SNX8: variants seen among roughly 807,000 people sequenced by gnomAD.
SNX8 encodes the protein sorting nexin 8.
Under a neutral mutation model 51.6 loss-of-function variants are expected in SNX8, and 25 were observed. That is an observed-to-expected ratio of 0.48 (90% CI 0.35 to 0.68). SNX8 has a LOEUF of 0.68. Ranked by LOEUF, SNX8 falls within the 30% of genes least tolerant of loss-of-function variation. SNX8 has a pLI of 0.00. For synonymous variants in SNX8, 324 were observed against 277.0 expected (o/e 1.17, Z -1.68); for missense variants, 695 against 624.0 (o/e 1.11, Z -1.21).
chr7:2,306,427 T>C (rs1018039815), intron 1 of SNX8, among the ~76,000 whole-genome samples: 3 of 152,220 alleles, frequency 2.0e-5, no homozygotes, highest in Non-Finnish European at 2.9e-5. Context: ...CAAATTTTAA[T>C]ATGGATTCCA....
intron 1 of SNX8, among the ~76,000 whole-genome samples, chr7:2,302,893 C>G (rs1796435702): frequency 2.0e-5 from 3 of 149,806 alleles, no homozygotes; most frequent in African/African-American, 4.9e-5. Flanking sequence ...AAGTGAGGAG[C>G]CCCTCCGCCC....
At chr7:2,305,256 G>A (rs1221201544) in intron 1 of SNX8, among the ~76,000 whole-genome samples, 1 of 152,200 alleles carries the variant, frequency 6.6e-6, no homozygotes, top group Non-Finnish European at 1.5e-5. Flanking sequence ...ACCTCCCTCT[G>A]GGTAAATCCA....
At chr7:2,305,020 G>A (rs377574058) in intron 1 of SNX8, among the ~76,000 whole-genome samples, 2 of 152,320 alleles carry the variant, frequency 1.3e-5, no homozygotes, top group East Asian at 3.9e-4. Flanking sequence ...GAGGTTCCCA[G>A]ACAAGCCTTG....
At chr7:2,350,981 C>G (rs941028537) in intron 1 of SNX8, among the ~76,000 whole-genome samples, 1 of 152,118 alleles carries the variant, frequency 6.6e-6, no homozygotes, top group Non-Finnish European at 1.5e-5. Flanking sequence ...TAGCCGGGCA[C>G]AGTGGTGCAC....
chr7:2,349,495 C>T (rs192462603), intron 1 of SNX8, among the ~76,000 whole-genome samples: 15 of 150,926 alleles, frequency 9.9e-5, no homozygotes, highest in African/African-American at 3.7e-4. Flanking sequence ...GGCTAGAGTG[C>T]AGTGGTGTGA....
chr7:2,254,880 G>T lies in SNX8; in HGVS notation c.*176C>A, dbSNP rs1377506225. ...GGGCGAAGGACAGTGTGGCCCAGCT[G>T]CCCCCATGGTCCACGGATGCGCCTC... On this transcript the variant is annotated 3_prime_UTR_variant, in exon 11 of 11. Coordinates refer to ENST00000222990, the MANE Select transcript of SNX8 (RefSeq NM_013321.4). 6 of 625,646 alleles carry T rather than the reference G, an allele frequency of 9.6e-6. No homozygotes were observed. Among genetic ancestry groups the T allele is most frequent in the Non-Finnish European group, 1.5e-5 (5 of 344,040 alleles). 38.8% of individuals were successfully genotyped at this position (625,646 alleles called of 1,614,324 possible).
intron 1 of SNX8, among the ~76,000 whole-genome samples, chr7:2,287,075 T>C (rs1382044820): frequency 6.6e-6 from 1 of 150,850 alleles, no homozygotes; most frequent in Non-Finnish European, 1.5e-5. Flanking sequence ...GAGGCAGAGG[T>C]TGCAGTGAGC....
intron 1 of SNX8, among the ~76,000 whole-genome samples, chr7:2,348,541 C>A (rs527378468): frequency 6.6e-6 from 1 of 151,654 alleles, no homozygotes; most frequent in African/African-American, 2.4e-5. Flanking sequence ...TGGGGTTTCA[C>A]CGTGTTAGCC....
chr7:2,290,706 C>T (rs1022414190), intron 1 of SNX8, among the ~76,000 whole-genome samples: 7 of 152,116 alleles, frequency 4.6e-5, no homozygotes, highest in African/African-American at 7.2e-5. Context: ...TGATGGGGAC[C>T]GCGCCTCAGT....
chr7:2,332,226 T>C (rs1006027407), intron 1 of SNX8, among the ~76,000 whole-genome samples: 1 of 149,826 alleles, frequency 6.7e-6, no homozygotes, highest in Non-Finnish European at 1.5e-5. Context: ...TATATATATA[T>C]GTATATATAA....
At position 2,280,116 on chromosome 7, in the gene SNX8, A is replaced by G. The variant is rs139684216; in HGVS notation, c.95-1811T>C. Among the ~76,000 whole-genome samples, 907 of 152,328 alleles carry G rather than the reference A, an allele frequency of 6.0e-3. 10 individuals carry two copies. The highest frequency in any genetic ancestry group is 0.02 in the African/African-American group (842 of 41,570). ...GGCCTGCTTATAGCTAGGACTCCCA[A>G]CCACATGCACGGAAGAATTAAGCCA... On this transcript the variant is annotated intron_variant, in intron 1 of 10. Coordinates refer to ENST00000222990, the MANE Select transcript of SNX8 (RefSeq NM_013321.4).
chr7:2,291,758 A>G (rs1264472153), intron 1 of SNX8, among the ~76,000 whole-genome samples: 1 of 152,132 alleles, frequency 6.6e-6, no homozygotes, highest in Non-Finnish European at 1.5e-5. Context: ...TTAAGGGTCT[A>G]TCAGTCCTTC....
At chr7:2,336,885 T>G (rs1197176511) in intron 1 of SNX8, among the ~76,000 whole-genome samples, 2 of 151,194 alleles carry the variant, frequency 1.3e-5, no homozygotes, top group Non-Finnish European at 2.9e-5. Context: ...GATGCATGCC[T>G]GTAATCCCAG....
At position 2,346,614 on chromosome 7, in the gene SNX8, T is replaced by C. The variant is rs370524731; in HGVS notation, c.-66+7608A>G. ...ACAAAAAATTAGCCGGGCGTGGTGG[T>C]GGGCACCTGTAGTCCCAGCTACTTG... On this transcript the variant is annotated intron_variant, in intron 1 of 5. Coordinates refer to the SNX8 transcript ENST00000435336. Among the ~76,000 whole-genome samples the C allele has an allele frequency of 2.9e-3, 435 of 149,822 alleles. 1 individual carries two copies. The highest frequency in any genetic ancestry group is 6.4e-3 in the African/African-American group (260 of 40,928).
intron 1 of SNX8, among the ~76,000 whole-genome samples, chr7:2,302,665 C>G (rs1387475695): frequency 2.6e-5 from 4 of 152,042 alleles, no homozygotes; most frequent in African/African-American, 4.8e-5. Context: ...AGGAGCACCT[C>G]TTCCCGGCCG....
At position 2,310,731 on chromosome 7, in the gene SNX8, A is replaced by T. The variant is rs1796642531; in HGVS notation, c.94+3597T>A. Among the ~76,000 whole-genome samples the T allele has an allele frequency of 2.6e-5, 4 of 151,430 alleles. No individual in the cohort carries two copies. In the Admixed American group the frequency reaches 2.7e-4, roughly 10 times the overall value. Reference sequence around the variant, plus strand: ...GCTTGCAGTGAGCCAAGATCGCACCACTGCACTCCAGCCTGGGCAAAAGAG... The same window carrying T: ...GCTTGCAGTGAGCCAAGATCGCACCTCTGCACTCCAGCCTGGGCAAAAGAG... On this transcript the variant is annotated intron_variant, in intron 1 of 10. Transcript: ENST00000222990.
intron 1 of SNX8, among the ~76,000 whole-genome samples, chr7:2,303,108 G>C (rs1250235087): frequency 1.4e-5 from 2 of 139,648 alleles, no homozygotes; most frequent in Non-Finnish European, 3.1e-5. Flanking sequence ...AGGGAGGTGG[G>C]GGGGTCAGCC....
At chr7:2,306,009 C>T (rs1202617244) in intron 1 of SNX8, among the ~76,000 whole-genome samples, 2 of 152,216 alleles carry the variant, frequency 1.3e-5, no homozygotes, top group African/African-American at 4.8e-5. Context: ...CCAGAGGGAA[C>T]TACCAGCCTA....
chr7:2,295,402 C>CAAA (rs35446427), intron 1 of SNX8, among the ~76,000 whole-genome samples: 8 of 91,884 alleles, frequency 8.7e-5, no homozygotes, highest in East Asian at 8.2e-4. Context: ...TACTCCATCT[C>CAAA]AAAAAAAAAA....
Sources: allele counts gnomAD v4.1 joint callset (sites outside exome capture counted in the v4.1 genomes callset), GRCh38; gene constraint gnomAD v4.1.1; transcripts MANE v1.5; gene names NCBI Gene and HGNC (gene_info 2026-07-23, HGNC 2026-07-21).